The following CHMP3 variants were observed in gnomAD, a reference collection of about 807,000 sequenced individuals.
CHMP3 encodes 25.1 protein.
In CHMP3, 8 loss-of-function variants were observed where a neutral mutation model predicts 27.4. The ratio of observed to expected loss-of-function variants is 0.29; its 90% CI spans 0.17 to 0.53. The LOEUF (loss-of-function observed/expected upper bound fraction) is 0.53. CHMP3 is among the 20% of genes least tolerant of loss of function. The pLI is 0.96. For missense variants in CHMP3, 208 were observed against 271.5 expected (o/e 0.77, Z 1.64); for synonymous variants, 86 against 85.5 (o/e 1.01, Z -0.03).
chr2:86,508,767 C>T (rs531194165), intron 4 of CHMP3, among the ~76,000 whole-genome samples: 57 of 152,310 alleles, frequency 3.7e-4, no homozygotes, highest in Admixed American at 2.7e-3. Flanking sequence ...TCTGCCCATC[C>T]TCAGATCCGT....
chr2:86,521,918 T>C (rs1675537197), intron 3 of CHMP3, among the ~76,000 whole-genome samples: 1 of 152,182 alleles, frequency 6.6e-6, no homozygotes, highest in South Asian at 2.1e-4. Flanking sequence ...CCTATTTGAG[T>C]CCCTGCCTTC....
chr2:86,554,117 CAAG>C (rs1405220138), intron 1 of CHMP3, among the ~76,000 whole-genome samples: 1 of 152,174 alleles, frequency 6.6e-6, no homozygotes, highest in Middle Eastern at 3.2e-3. Context: ...GTGAGGACAG[CAAG>C]AAGGCACCAT....
At chr2:86,537,755 G>A (rs775559737) in intron 2 of CHMP3, among the ~76,000 whole-genome samples, 16 of 152,178 alleles carry the variant, frequency 1.1e-4, no homozygotes, top group Non-Finnish European at 1.9e-4. Flanking sequence ...CCCTGGGCAC[G>A]CACAGTGACT....
Position 86,563,335 on chromosome 2 carries a change from C to T in CHMP3, c.14G>A (p.Gly5Glu), listed in dbSNP as rs1231402215. 1.2e-6 allele frequency: 2 copies of T among 1,614,164 alleles called. No homozygotes were observed. The highest frequency in any genetic ancestry group is 1.7e-6 in the Non-Finnish European group (2 of 1,179,994). MGLF[G>E]KTQEKPPKEL... Reference sequence around the variant, plus strand: ...TTTGGGCGGCTTCTCCTGGGTCTTTCCAAACAGCCCCATGACGAACTGAAC... The same window carrying T: ...TTTGGGCGGCTTCTCCTGGGTCTTTTCAAACAGCCCCATGACGAACTGAAC... Residue 5 changes from glycine to glutamate, a missense_variant, in exon 1 of 6, where the codon GGA (glycine) becomes GAA (glutamate). Around this residue, in one of 3 missense-constraint regions of CHMP3, gnomAD observed 52 missense variants for 43.5 expected, o/e 1.19. Coordinates refer to ENST00000263856, the MANE Select transcript of CHMP3 (RefSeq NM_016079.4).
intron 3 of CHMP3, among the ~76,000 whole-genome samples, chr2:86,517,545 G>A (rs1675360719): frequency 8.0e-6 from 1 of 125,080 alleles, no homozygotes. Flanking sequence ...CAGCCTGGGA[G>A]ACAGAGCGAG....
intron 1 of CHMP3, among the ~76,000 whole-genome samples, chr2:86,548,585 T>C (rs1262076830): frequency 6.6e-6 from 1 of 152,202 alleles, no homozygotes; most frequent in East Asian, 1.9e-4. Flanking sequence ...TATGTCTCCT[T>C]CTTTCTACAC....
chr2:86,556,604 G>A (rs1677131560), intron 1 of CHMP3, among the ~76,000 whole-genome samples: 1 of 152,102 alleles, frequency 6.6e-6, no homozygotes, highest in Non-Finnish European at 1.5e-5. Context: ...AGATAAGTTA[G>A]TTTACTTAGG....
At chr2:86,507,038 A>G (rs898530304) in intron 5 of CHMP3, 2 of 151,382 alleles carry the variant, frequency 1.3e-5, no homozygotes, top group Admixed American at 6.6e-5. Context: ...TTTTTAATAT[A>G]TATTTTTTTG....
chr2:86,505,983 GGCTT>G, intron 5 of CHMP3, 34 bp from the exon 6 acceptor site: 1 of 1,493,508 alleles, frequency 6.7e-7, no homozygotes. Context: ...ACACCACATT[GGCTT>G]AAGGAAGCAG....
intron 2 of CHMP3, among the ~76,000 whole-genome samples, chr2:86,533,152 G>A (rs558196568): frequency 6.6e-6 from 1 of 152,014 alleles, no homozygotes; most frequent in African/African-American, 2.4e-5. Flanking sequence ...TTCAATCTTG[G>A]TAAGTTTCAT....
intron 1 of CHMP3, among the ~76,000 whole-genome samples, chr2:86,547,095 T>C (rs1025352965): frequency 4.6e-5 from 7 of 152,174 alleles, no homozygotes; most frequent in Admixed American, 1.3e-4. Context: ...CTCCAGGCAG[T>C]ACAACTGCAC....
chr2:86,532,024 AT>A (rs1375890509), intron 2 of CHMP3, among the ~76,000 whole-genome samples: 1 of 152,196 alleles, frequency 6.6e-6, no homozygotes, highest in African/African-American at 2.4e-5. Flanking sequence ...TGCACTTTGA[AT>A]GTATAAGATT....
chr2:86,547,429 G>A (rs1676654879), intron 1 of CHMP3, among the ~76,000 whole-genome samples: 1 of 152,014 alleles, frequency 6.6e-6, no homozygotes, highest in African/African-American at 2.4e-5. Flanking sequence ...AATCAAAAGG[G>A]GCTTTGCAAA....
chr2:86,556,550 T>C (rs922127290), intron 1 of CHMP3, among the ~76,000 whole-genome samples: 1 of 152,198 alleles, frequency 6.6e-6, no homozygotes, highest in African/African-American at 2.4e-5. Flanking sequence ...GGCAGCCAGA[T>C]TCTCTTACCT....
Position 86,507,619 on chromosome 2 carries a change from G to A in CHMP3, c.409-26C>T, listed in dbSNP as rs758839277. The stretch of plus-strand genomic sequence containing the variant: ...CTAAACAGAATAAATATGTCACTTC[G>A]GTCAACTGTTAAATCTGTTCCCATC... On this transcript the variant is annotated intron_variant, in intron 4 of 5. Transcript: ENST00000263856. 1.6e-5 allele frequency: 25 copies of A among 1,597,942 alleles called. 1 individual carries two copies. The Admixed American group carries it at 2.7e-4, about 17-fold the overall frequency.
chr2:86,554,913 C>A (rs1326893450), intron 1 of CHMP3, among the ~76,000 whole-genome samples: 3 of 148,068 alleles, frequency 2.0e-5, no homozygotes, highest in Non-Finnish European at 4.5e-5. Context: ...AGTGGGTGAT[C>A]TCGGCTCACT....
chr2:86,551,280 T>G (rs1010126491), intron 1 of CHMP3, among the ~76,000 whole-genome samples: 2 of 19,384 alleles, frequency 1.0e-4, no homozygotes, highest in Non-Finnish European at 2.4e-4. Flanking sequence ...TGAACTCCAA[T>G]TTTTTTTTTT....
chr2:86,520,071 A>G (rs1055120590), intron 3 of CHMP3, among the ~76,000 whole-genome samples: 1 of 152,250 alleles, frequency 6.6e-6, no homozygotes, highest in Non-Finnish European at 1.5e-5. Flanking sequence ...AGGACAGTTC[A>G]TATAGCACTT....
chr2:86,517,565 CAAAAAAAA>C (rs70956116), intron 3 of CHMP3, among the ~76,000 whole-genome samples: 2 of 90,114 alleles, frequency 2.2e-5, no homozygotes, highest in South Asian at 3.6e-4. Flanking sequence ...GACTCCGTCT[CAAAAAAAA>C]AAAAAAAAAA....
Sources: allele counts gnomAD v4.1 joint callset (sites outside exome capture counted in the v4.1 genomes callset), GRCh38; gene constraint gnomAD v4.1.1; regional missense constraint gnomAD v4.1.1; transcripts MANE v1.5; gene names NCBI Gene and HGNC (gene_info 2026-07-23, HGNC 2026-07-21).